Variants in IL1R2 observed in about 807,000 individuals in gnomAD.
IL1R2 encodes interleukin-1 receptor type 2.
A neutral mutation model predicts 39.5 loss-of-function variants in IL1R2; 46 were observed. The ratio of observed to expected loss-of-function variants is 1.16; its 90% CI spans 0.92 to 1.49. The LOEUF (loss-of-function observed/expected upper bound fraction) is 1.49, where lower values mean the gene tolerates loss of function less well. IL1R2 is among the 40% of genes most tolerant of loss of function. IL1R2 has a pLI of 0.00. For synonymous variants in IL1R2, 207 were observed against 189.6 expected (o/e 1.09, Z -0.75); for missense variants, 537 against 502.0 (o/e 1.07, Z -0.67).
At chr2:102,006,613 T>C (rs1429802113) in intron 1 of IL1R2, among the ~76,000 whole-genome samples, 1 of 152,212 alleles carries the variant, frequency 6.6e-6, no homozygotes, top group Non-Finnish European at 1.5e-5. Context: ...CTGGGAATTT[T>C]TCCCCTGGAT....
chr2:102,020,282 G>A (rs1377540301), intron 5 of IL1R2, among the ~76,000 whole-genome samples: 3 of 152,340 alleles, frequency 2.0e-5, no homozygotes, highest in South Asian at 2.1e-4. Context: ...GGTGGGTCTA[G>A]CTGCCCTTAA....
intron 2 of IL1R2, 95 bp downstream of exon 2, chr2:102,008,737 T>C: frequency 9.1e-7 from 1 of 1,103,354 alleles, no homozygotes; most frequent in Non-Finnish European, 1.4e-6. Flanking sequence ...GAAAGCAAAG[T>C]GTGGGCCGAG....
intron 7 of IL1R2, 36 bp from the exon 8 acceptor site, chr2:102,026,075 T>C (rs1677728117): frequency 1.3e-6 from 2 of 1,521,458 alleles, no homozygotes; most frequent in Non-Finnish European, 1.8e-6. Flanking sequence ...TTGCATTCGA[T>C]ACAATCATAA....
intron 1 of IL1R2, among the ~76,000 whole-genome samples, chr2:102,004,801 G>T (rs1440559121): frequency 1.3e-5 from 2 of 152,174 alleles, no homozygotes; most frequent in Non-Finnish European, 2.9e-5. Context: ...TGTGTTTGTG[G>T]TTTACTTGTC....
chr2:102,009,935 C>T, intron 3 of IL1R2, 109 bp downstream of exon 3: 2 of 1,277,332 alleles, frequency 1.6e-6, no homozygotes, highest in Non-Finnish European at 2.2e-6. Flanking sequence ...AATACAAATC[C>T]AGTGAATCCA....
intron 3 of IL1R2, among the ~76,000 whole-genome samples, chr2:102,013,587 GAAA>G (rs57976300): frequency 0.019 from 1,140 of 60,966 alleles, 27 homozygotes; most frequent in African/African-American, 0.052. Context: ...AAAAGAAAAA[GAAA>G]AAAAAAAAAA....
chr2:102,004,147 G>T (rs1553613810), intron 1 of IL1R2, among the ~76,000 whole-genome samples: 1 of 152,124 alleles, frequency 6.6e-6, no homozygotes, highest in Non-Finnish European at 1.5e-5. Context: ...ATATATACTT[G>T]CATTTGTCAT....
At chr2:102,008,886 G>T (rs1265865559) in intron 2 of IL1R2, among the ~76,000 whole-genome samples, 2 of 150,604 alleles carry the variant, frequency 1.3e-5, no homozygotes, top group Non-Finnish European at 3.0e-5. Flanking sequence ...AAAGTAGTTG[G>T]GCGTGGTGGT....
intron 1 of IL1R2, among the ~76,000 whole-genome samples, chr2:102,006,318 A>G (rs3755481): frequency 0.22 from 33,985 of 152,144 alleles, 4,721 homozygotes; most frequent in Non-Finnish European, 0.27. Flanking sequence ...CACAGGAACT[A>G]TTTGTGCTTC....
At chr2:102,000,511 G>T (rs970177388) in intron 1 of IL1R2, among the ~76,000 whole-genome samples, 1 of 152,222 alleles carries the variant, frequency 6.6e-6, no homozygotes, top group Non-Finnish European at 1.5e-5. Flanking sequence ...TTAAGAGGGA[G>T]GAAATTTTGG....
rs754955562 is a variant in IL1R2 at position 102,024,573 on chromosome 2, C to T, written c.792C>T (p.Thr264=). 2.5e-5 allele frequency: 41 copies of T among 1,613,854 alleles called. No homozygotes were observed. Among genetic ancestry groups the T allele is most frequent in the Admixed American group, 1.3e-4 (8 of 59,966 alleles). The part of the protein sequence containing the change: ...LTIPCKVFLG[T]GTPLTTMLWW... ...TCCCGTGTAAGGTGTTTCTGGGAAC[C>T]GGCACACCCTTAACCACCATGCTGT... Residue 264 remains threonine, a synonymous_variant, in exon 7 of 9, where the codon ACC becomes ACT. Coordinates refer to ENST00000332549, the MANE Select transcript of IL1R2 (RefSeq NM_004633.4).
chr2:102,019,275 T>C (rs1002604822), intron 4 of IL1R2, among the ~76,000 whole-genome samples: 33 of 152,346 alleles, frequency 2.2e-4, no homozygotes, highest in African/African-American at 7.2e-4. Context: ...ATCATGACGA[T>C]TTATAGTGCT....
chr2:102,011,049 G>C (rs1371537327), intron 3 of IL1R2, among the ~76,000 whole-genome samples: 1 of 152,200 alleles, frequency 6.6e-6, no homozygotes, highest in Admixed American at 6.5e-5. Flanking sequence ...GTTCGTTCAT[G>C]TTGTAGCATG....
At chr2:102,013,187 T>C (rs1234389216) in intron 3 of IL1R2, among the ~76,000 whole-genome samples, 1 of 152,096 alleles carries the variant, frequency 6.6e-6, no homozygotes, top group African/African-American at 2.4e-5. Flanking sequence ...AAAGCTGAGA[T>C]TGAGGGGGCA....
chr2:102,008,664 T>G, intron 2 of IL1R2, 22 bp downstream of exon 2: 3 of 1,603,206 alleles, frequency 1.9e-6, no homozygotes, highest in Non-Finnish European at 1.7e-6. Context: ...ACCTTTCAGA[T>G]GCAAAAAGGC....
intron 1 of IL1R2, among the ~76,000 whole-genome samples, chr2:102,004,204 A>G (rs990227492): frequency 2.0e-5 from 3 of 152,206 alleles, no homozygotes; most frequent in Non-Finnish European, 4.4e-5. Context: ...TAAAAATTAA[A>G]TGAAAAGGTG....
At chr2:101,998,293 G>A (rs1249113567) in intron 1 of IL1R2, among the ~76,000 whole-genome samples, 1 of 152,168 alleles carries the variant, frequency 6.6e-6, no homozygotes, top group Non-Finnish European at 1.5e-5. Flanking sequence ...ATCCCGAAAT[G>A]GCTGTGTGCT....
chr2:102,003,988 G>GTCTAT (rs1676101607), intron 1 of IL1R2, among the ~76,000 whole-genome samples: 3 of 140,408 alleles, frequency 2.1e-5, no homozygotes, highest in African/African-American at 5.2e-5. Context: ...TCTCGGTCTG[G>GTCTAT]GTCTATGTCT....
At chr2:101,996,973 C>A (rs1393151860) in intron 1 of IL1R2, among the ~76,000 whole-genome samples, 1 of 152,108 alleles carries the variant, frequency 6.6e-6, no homozygotes, top group African/African-American at 2.4e-5. Flanking sequence ...ACCTCTCTTG[C>A]TTTCATTTTG....
Sources: allele counts gnomAD v4.1 joint callset (sites outside exome capture counted in the v4.1 genomes callset), GRCh38; gene constraint gnomAD v4.1.1; transcripts MANE v1.5; gene names NCBI Gene and HGNC (gene_info 2026-07-23, HGNC 2026-07-21).